KCNB2: variants seen among roughly 807,000 people sequenced by gnomAD.
The protein encoded by KCNB2 is delayed rectifier potassium channel protein.
In KCNB2, 15 loss-of-function variants were observed where a neutral mutation model predicts 61.5. The observed-to-expected ratio is 0.24, with a 90% CI of 0.16 to 0.38. The LOEUF (loss-of-function observed/expected upper bound fraction) is 0.38. Among genes scored for constraint, KCNB2 ranks in the 10% least tolerant of loss-of-function variants. The pLI is 1.00. For synonymous variants in KCNB2, 457 were observed against 446.0 expected (o/e 1.02, Z -0.31); for missense variants, 828 against 1,125.2 (o/e 0.74, Z 3.78).
intron 1 of KCNB2, among the ~76,000 whole-genome samples, chr8:72,547,134 A>G (rs1469810885): frequency 6.6e-6 from 1 of 152,238 alleles, no homozygotes; most frequent in Non-Finnish European, 1.5e-5. Flanking sequence ...GCATTTGTTT[A>G]CAGCATGGTT....
chr8:72,920,465 C>CTATATATATATATATATATA (rs1261158124), intron 2 of KCNB2, among the ~76,000 whole-genome samples: 1 of 71,100 alleles, frequency 1.4e-5, no homozygotes, highest in Admixed American at 1.5e-4. Flanking sequence ...ATCTATCTAT[C>CTATATATATATATATATATA]TATCTATCTA....
chr8:72,845,301 C>T (rs1034377450), intron 2 of KCNB2, among the ~76,000 whole-genome samples: 2 of 152,190 alleles, frequency 1.3e-5, no homozygotes, highest in African/African-American at 4.8e-5. Flanking sequence ...CCTGTTCCTT[C>T]CTCCAGAAGC....
chr8:72,591,754 A>T (rs1563532413), intron 2 of KCNB2, among the ~76,000 whole-genome samples: 1 of 152,140 alleles, frequency 6.6e-6, no homozygotes, highest in African/African-American at 2.4e-5. Context: ...AGATATTGTC[A>T]TATCTCATTC....
intron 2 of KCNB2, among the ~76,000 whole-genome samples, chr8:72,930,804 A>G (rs1299586191): frequency 2.6e-5 from 4 of 152,198 alleles, no homozygotes; most frequent in Non-Finnish European, 4.4e-5. Flanking sequence ...TAGTTTAATT[A>G]GATCCCATTT....
At chr8:72,717,909 C>G (rs1192269120) in intron 2 of KCNB2, among the ~76,000 whole-genome samples, 1 of 151,962 alleles carries the variant, frequency 6.6e-6, no homozygotes, top group Non-Finnish European at 1.5e-5. Flanking sequence ...TTTGCAACCT[C>G]CTCATCTGAC....
At chr8:72,567,166 T>C (rs917589004) in intron 1 of KCNB2, among the ~76,000 whole-genome samples, 1 of 151,638 alleles carries the variant, frequency 6.6e-6, no homozygotes, top group Non-Finnish European at 1.5e-5. Context: ...ACAAAAAATA[T>C]AAGAATTAGC....
chr8:72,803,484 T>A (rs1809163531), intron 2 of KCNB2, among the ~76,000 whole-genome samples: 1 of 152,154 alleles, frequency 6.6e-6, no homozygotes, highest in African/African-American at 2.4e-5. Context: ...ACATCACATC[T>A]CTATACACTG....
At chr8:72,560,364 T>C (rs775135536) in intron 1 of KCNB2, among the ~76,000 whole-genome samples, 1 of 152,222 alleles carries the variant, frequency 6.6e-6, no homozygotes, top group Non-Finnish European at 1.5e-5. Flanking sequence ...ATGTAAAACT[T>C]ATGTCATTCA....
chr8:72,859,945 C>A (rs778040620), intron 2 of KCNB2, among the ~76,000 whole-genome samples: 10 of 79,770 alleles, frequency 1.3e-4, no homozygotes, highest in Non-Finnish European at 2.7e-4. Context: ...TCTCAAACTC[C>A]CGACCTCAGG....
rs554596246 is a variant in KCNB2 at position 72,928,413 on chromosome 8, CT to C, written c.580-7521del. Among the ~76,000 whole-genome samples, 32 of 152,090 alleles carry C rather than the reference CT, an allele frequency of 2.1e-4. No individual in the cohort carries two copies. In the South Asian group the frequency reaches 5.2e-3, roughly 25 times the overall value. Reference sequence around the variant, plus strand: ...ATTTCACCATGTTGGCCAGGCTGGTCTCGAACTCCTCACCTCAAGTGATCCG... The same window carrying C: ...ATTTCACCATGTTGGCCAGGCTGGTCCGAACTCCTCACCTCAAGTGATCCG... On this transcript the variant is annotated intron_variant, in intron 2 of 2. Coordinates refer to ENST00000523207, the MANE Select transcript of KCNB2 (RefSeq NM_004770.3).
chr8:72,786,996 T>G (rs1053923722), intron 2 of KCNB2, among the ~76,000 whole-genome samples: 1 of 152,154 alleles, frequency 6.6e-6, no homozygotes, highest in African/African-American at 2.4e-5. Context: ...ATGCTAGTAC[T>G]TTCCCCACCA....
chr8:72,656,294 A>G (rs1806290321), intron 2 of KCNB2, among the ~76,000 whole-genome samples: 2 of 152,210 alleles, frequency 1.3e-5, no homozygotes, highest in Non-Finnish European at 1.5e-5. Flanking sequence ...TGTCTTAAAG[A>G]CAAAGCAACT....
chr8:72,581,813 ACAGG>A (rs1211129949), intron 2 of KCNB2, among the ~76,000 whole-genome samples: 4 of 152,208 alleles, frequency 2.6e-5, no homozygotes, highest in Admixed American at 6.5e-5. Flanking sequence ...GGTGCTTCTG[ACAGG>A]CAGGTTTGCA....
intron 2 of KCNB2, among the ~76,000 whole-genome samples, chr8:72,596,830 A>G (rs1019974067): frequency 2.0e-5 from 3 of 152,036 alleles, no homozygotes; most frequent in African/African-American, 7.2e-5. Flanking sequence ...GGGTTTTCCA[A>G]ATATCACATG....
At chr8:72,893,342 C>T (rs1333217540) in intron 2 of KCNB2, among the ~76,000 whole-genome samples, 2 of 151,978 alleles carry the variant, frequency 1.3e-5, no homozygotes, top group Non-Finnish European at 2.9e-5. Flanking sequence ...TTGATTTGTT[C>T]TTTCCAACTC....
At chr8:72,548,853 T>A (rs183419491) in intron 1 of KCNB2, among the ~76,000 whole-genome samples, 3 of 152,312 alleles carry the variant, frequency 2.0e-5, no homozygotes, top group Admixed American at 1.3e-4. Flanking sequence ...ATGTCTTAAG[T>A]GGTTATGTTG....
chr8:72,568,459 A>T, intron 2 of KCNB2, 146 bp downstream of exon 2: 1 of 655,078 alleles, frequency 1.5e-6, no homozygotes, highest in Non-Finnish European at 2.6e-6. Flanking sequence ...CCAAAATCTT[A>T]TTTAGTCCAA....
chr8:72,714,739 G>T (rs1807395960), intron 2 of KCNB2, among the ~76,000 whole-genome samples: 1 of 152,164 alleles, frequency 6.6e-6, no homozygotes, highest in African/African-American at 2.4e-5. Context: ...AGGCTAGGAA[G>T]AAACTGCATC....
At chr8:72,582,851 C>T (rs1806927892) in intron 2 of KCNB2, among the ~76,000 whole-genome samples, 2 of 152,088 alleles carry the variant, frequency 1.3e-5, no homozygotes, top group African/African-American at 4.8e-5. Context: ...AACTCCTGGC[C>T]TCAAGCAAGC....
Sources: allele counts gnomAD v4.1 joint callset (sites outside exome capture counted in the v4.1 genomes callset), GRCh38; gene constraint gnomAD v4.1.1; transcripts MANE v1.5; gene names NCBI Gene and HGNC (gene_info 2026-07-23, HGNC 2026-07-21).